The following KMT2C variants were observed in gnomAD, a reference collection of about 807,000 sequenced individuals.
KMT2C encodes the protein lysine methyltransferase 2C.
A neutral mutation model predicts 507.9 loss-of-function variants in KMT2C; 88 were observed. The observed-to-expected ratio is 0.17, with a 90% CI of 0.15 to 0.21. The LOEUF (loss-of-function observed/expected upper bound fraction) is 0.21, where lower values mean the gene tolerates loss of function less well. KMT2C is among the 10% of genes least tolerant of loss of function. The pLI is 1.00. For synonymous variants in KMT2C, 2,049 were observed against 2,080.8 expected, an observed-to-expected ratio of 0.98 and a Z score of 0.42; for missense variants, 4,954 against 5,957.8, an observed-to-expected ratio of 0.83 and a Z score of 5.55.
chr7:152,435,349 G>A (rs1022591476), intron 1 of KMT2C, among the ~76,000 whole-genome samples: 2 of 151,944 alleles, frequency 1.3e-5, no homozygotes, highest in African/African-American at 4.8e-5. Flanking sequence ...GAGTCGCGGA[G>A]AAGACCCAGT....
At chr7:152,292,842 G>C (rs2096450252) in intron 6 of KMT2C, among the ~76,000 whole-genome samples, 1 of 152,082 alleles carries the variant, frequency 6.6e-6, no homozygotes. Context: ...ATTAACTCAA[G>C]GGGAAAAGAA....
chr7:152,355,693 G>A (rs1464844645), intron 2 of KMT2C, among the ~76,000 whole-genome samples: 1 of 152,114 alleles, frequency 6.6e-6, no homozygotes, highest in Non-Finnish European at 1.5e-5. Flanking sequence ...ACTAAAAGCT[G>A]GTCTGGGCAA....
At chr7:152,410,435 A>C (rs1182843456) in intron 1 of KMT2C, among the ~76,000 whole-genome samples, 1 of 148,080 alleles carries the variant, frequency 6.8e-6, no homozygotes, top group Non-Finnish European at 1.5e-5. Context: ...AAAATTAGCC[A>C]GGTGTGGAAG....
intron 5 of KMT2C, among the ~76,000 whole-genome samples, chr7:152,310,849 G>GA (rs1303143826): frequency 6.6e-6 from 1 of 151,770 alleles, no homozygotes; most frequent in Admixed American, 6.6e-5. Context: ...CACACTCCGG[G>GA]AATTTTTTTC....
intron 2 of KMT2C, among the ~76,000 whole-genome samples, chr7:152,348,315 G>A (rs2097078917): frequency 6.6e-6 from 1 of 152,044 alleles, no homozygotes; most frequent in South Asian, 2.1e-4. Flanking sequence ...GCATAGGGAA[G>A]GCCAGGCATG....
chr7:152,176,206 A>G lies in KMT2C; in HGVS notation c.9247T>C (p.Phe3083Leu), dbSNP rs2129112601. 6.2e-7 allele frequency: 1 copy of G among 1,605,224 alleles called. No individual in the cohort carries two copies. Reference protein sequence around the residue: ...QAMIRQRSEPFFPNIDFDAIT... With the variant: ...QAMIRQRSEPLFPNIDFDAIT... ...AAACTCCTACCAATATTAGGGAAGA[A>G]CGGTTCTGATCGCTGACGAATCATG... The change falls in exon 38 of 59, where the codon TTC becomes CTC. Residue 3083 changes from phenylalanine to leucine, a missense_variant. Phe to Leu is a conservative substitution (Grantham distance 22, BLOSUM62 0). Coordinates refer to ENST00000262189, the MANE Select transcript of KMT2C (RefSeq NM_170606.3).
intron 1 of KMT2C, among the ~76,000 whole-genome samples, chr7:152,421,735 A>G (rs1460707566): frequency 2.0e-5 from 3 of 152,162 alleles, no homozygotes; most frequent in Non-Finnish European, 4.4e-5. Context: ...GGCTTACTCG[A>G]GGGTGGAGGC....
intron 1 of KMT2C, among the ~76,000 whole-genome samples, chr7:152,394,004 T>C (rs1343326037): frequency 2.0e-5 from 3 of 152,216 alleles, no homozygotes; most frequent in Admixed American, 6.5e-5. Context: ...TTACTGGTCA[T>C]TGAACCTGGT....
At chr7:152,393,758 G>A (rs1396675279) in intron 1 of KMT2C, among the ~76,000 whole-genome samples, 1 of 152,160 alleles carries the variant, frequency 6.6e-6, no homozygotes, top group Non-Finnish European at 1.5e-5. Context: ...CGGGCATGGT[G>A]GTGCATGCCT....
intron 6 of KMT2C, among the ~76,000 whole-genome samples, chr7:152,307,827 T>TA (rs2096634700): frequency 6.6e-6 from 1 of 152,182 alleles, no homozygotes; most frequent in African/African-American, 2.4e-5. Context: ...TGCAAATACA[T>TA]ACACCTACAT....
intron 1 of KMT2C, among the ~76,000 whole-genome samples, chr7:152,378,876 C>T (rs903586089): frequency 6.6e-6 from 1 of 152,162 alleles, no homozygotes; most frequent in Non-Finnish European, 1.5e-5. Context: ...TTTTTCTGTA[C>T]TCTATTTTCA....
chr7:152,141,144 C>G (rs2090485040), intron 55 of KMT2C, among the ~76,000 whole-genome samples: 1 of 151,866 alleles, frequency 6.6e-6, no homozygotes, highest in Non-Finnish European at 1.5e-5. Context: ...GGAGGCTGAG[C>G]CAAGAGAATT....
Position 152,271,358 on chromosome 7 carries a change from T to C in KMT2C, c.1012+2347A>G, listed in dbSNP as rs1360716761. 2.0e-5 allele frequency among the ~76,000 whole-genome samples: 3 copies of C among 152,192 alleles called. No individual in the cohort carries two copies. In the East Asian group the frequency reaches 5.8e-4, roughly 29 times the overall value. On this transcript the variant is annotated intron_variant, in intron 7 of 58. Coordinates refer to ENST00000262189, the MANE Select transcript of KMT2C (RefSeq NM_170606.3). ...TTAACAGATGGGTCAGAACGCTGTGTAGTTAGAATGCACTGCTTAAGATCC... is the reference window on the plus strand; with the variant it reads ...TTAACAGATGGGTCAGAACGCTGTGCAGTTAGAATGCACTGCTTAAGATCC...
intron 3 of KMT2C, among the ~76,000 whole-genome samples, chr7:152,329,942 G>C (rs1282120360): frequency 6.6e-6 from 1 of 151,788 alleles, no homozygotes; most frequent in Non-Finnish European, 1.5e-5. Context: ...TCAGGAGATC[G>C]AGACCATCCT....
At chr7:152,412,314 T>C (rs2097692555) in intron 1 of KMT2C, among the ~76,000 whole-genome samples, 1 of 152,230 alleles carries the variant, frequency 6.6e-6, no homozygotes, top group African/African-American at 2.4e-5. Flanking sequence ...GGCAGGAGAA[T>C]GGCTTGAACC....
Position 152,364,934 on chromosome 7 carries a change from G to GACAGACACAC in KMT2C, c.162-6260_162-6259insGTGTGTCTGT, listed in dbSNP as rs1554680382. The stretch of plus-strand genomic sequence containing the variant: ...AGCACAACAAAATCTGAAACAGACA[G>GACAGACACAC]ACACACACACACACACACACACACA... On this transcript the variant is annotated intron_variant, in intron 1 of 58. Transcript: ENST00000262189. 3.0e-3 allele frequency among the ~76,000 whole-genome samples: 418 copies of GACAGACACAC among 138,158 alleles called. 1 individual carries two copies. The highest frequency in any genetic ancestry group is 0.013 in the South Asian group (57 of 4,376). The allele number at this position is 138,158 out of a possible 152,430, so 90.6% of individuals were successfully genotyped here.
In KMT2C at chr7:152,148,372, A is replaced by C; in HGVS notation, c.13555T>G (p.Phe4519Val). 6.2e-7 allele frequency: 1 copy of C among 1,614,266 alleles called. No individual in the cohort carries two copies. Among genetic ancestry groups the C allele is most frequent in the Non-Finnish European group, 8.5e-7 (1 of 1,180,050 alleles). ...KGIHEQELSY[F>V]AVFRRVYVQR... The stretch of plus-strand genomic sequence containing the variant: ...ACATAGACCCTCCTGAAGACTGCAA[A>C]GTAACTTAATTCTTGCTCATGAATT... Residue 4519 changes from phenylalanine to valine, a missense_variant, in exon 52 of 59, where the codon TTT becomes GTT. This residue lies in a region of KMT2C where 221 missense variants were observed against 304.7 expected (regional missense o/e 0.73). Transcript: ENST00000262189. The surrounding 1 kb of genome is among the most constrained non-coding windows in gnomAD (Gnocchi z 7.1).
At chr7:152,360,457 A>C (rs1162190344) in intron 1 of KMT2C, among the ~76,000 whole-genome samples, 1 of 151,992 alleles carries the variant, frequency 6.6e-6, no homozygotes, top group Admixed American at 6.6e-5. Flanking sequence ...CAGCCTGGGC[A>C]ACAAGAGTGA....
rs368122505 is a variant in KMT2C at position 152,135,831 on chromosome 7, G to A, written c.*1001C>T. 2.6e-5 allele frequency: 6 copies of A among 231,088 alleles called. No homozygotes were observed. Among genetic ancestry groups the A allele is most frequent in the African/African-American group, 1.1e-4 (5 of 45,304 alleles). The allele number at this position is 231,088 out of a possible 1,614,324, so 14.3% of individuals were successfully genotyped here. A position where few individuals can be genotyped will look rare whatever the true frequency, so the allele number is the denominator to read the frequency against. ...GTAGTCGTAGCATACGCCCCGCTCTGTCAGAAGTAAGGTGTATAAAACCAT... is the reference window on the plus strand; with the variant it reads ...GTAGTCGTAGCATACGCCCCGCTCTATCAGAAGTAAGGTGTATAAAACCAT... On this transcript the variant is annotated 3_prime_UTR_variant, in exon 59 of 59. Transcript: ENST00000262189.
Sources: gnomAD v4.1 joint callset for allele counts (sites outside exome capture counted in the v4.1 genomes callset) on GRCh38, gnomAD v4.1.1 for gene constraint, gnomAD v4.1.1 regional missense constraint, Gnocchi (gnomAD v3.1) non-coding constraint, MANE v1.5 for transcripts, NCBI Gene and HGNC (gene_info 2026-07-23, HGNC 2026-07-21) for gene names.